Variants in SUPT3H observed in about 807,000 individuals in gnomAD.
SUPT3H encodes the protein transcription initiation protein SPT3 homolog.
A neutral mutation model predicts 44.3 loss-of-function variants in SUPT3H; 44 were observed. The ratio of observed to expected loss-of-function variants is 0.99; its 90% CI spans 0.78 to 1.28. The LOEUF is 1.28. Among genes scored for constraint, SUPT3H ranks in the 50% most tolerant of loss-of-function variants. The pLI is 0.00. For synonymous variants in SUPT3H, 124 were observed against 125.6 expected (o/e 0.99, Z 0.09); for missense variants, 380 against 387.1 (o/e 0.98, Z 0.15).
chr6:45,000,097 C>T (rs975950508), intron 6 of SUPT3H, among the ~76,000 whole-genome samples: 58 of 151,552 alleles, frequency 3.8e-4, no homozygotes, highest in Non-Finnish European at 3.2e-4. Flanking sequence ...CAGATATATA[C>T]ATACATGTAT....
intron 10 of SUPT3H, among the ~76,000 whole-genome samples, chr6:44,860,993 T>C (rs1282288242): frequency 6.6e-6 from 1 of 152,024 alleles, no homozygotes; most frequent in Non-Finnish European, 1.5e-5. Flanking sequence ...AAGAACTAGA[T>C]TGAGAATCAA....
chr6:44,965,803 G>A lies in SUPT3H; in HGVS notation c.505-3975C>T, dbSNP rs370017915. Among the ~76,000 whole-genome samples, 4 of 152,218 alleles carry A rather than the reference G, an allele frequency of 2.6e-5. No homozygotes were observed. The East Asian group carries it at 5.8e-4, about 22-fold the overall frequency. On this transcript the variant is annotated intron_variant, in intron 6 of 10. Transcript: ENST00000371459. ...ACTATCATCTTAAATACTGAGAAAG[G>A]GAGTAAATATCTAACTTTCATGAAC...
At position 44,829,584 on chromosome 6, in the gene SUPT3H, A is replaced by G; in HGVS notation, c.*232T>C. 6.1e-6 allele frequency: 3 copies of G among 488,566 alleles called. No homozygotes were observed. The highest frequency in any genetic ancestry group is 7.3e-6 in the Non-Finnish European group (2 of 273,456). 30.3% of individuals were successfully genotyped at this position (488,566 alleles called of 1,614,324 possible). A position where few individuals can be genotyped will look rare whatever the true frequency, so the allele number is the denominator to read the frequency against. ...GTGTGATCTGCATTCTTGTCCACCT[A>G]CAGACTATCCTAAACATCCTGCCAT... On this transcript the variant is annotated 3_prime_UTR_variant, in exon 11 of 11. Transcript: ENST00000371459.
intron 2 of SUPT3H, among the ~76,000 whole-genome samples, chr6:45,211,616 C>T (rs1018717387): frequency 2.6e-5 from 4 of 151,516 alleles, no homozygotes; most frequent in Non-Finnish European, 4.4e-5. Context: ...TTTGGGAGAC[C>T]GAGGCAGACA....
chr6:45,140,980 A>G (rs552576738), intron 2 of SUPT3H, among the ~76,000 whole-genome samples: 70 of 152,310 alleles, frequency 4.6e-4, no homozygotes, highest in Middle Eastern at 6.8e-3. Context: ...ACAGCATTCT[A>G]TAAGATCATA....
Position 45,281,539 on chromosome 6 carries a change from G to A in SUPT3H, c.101+83662C>T, listed in dbSNP as rs568510721. 4.6e-5 allele frequency among the ~76,000 whole-genome samples: 7 copies of A among 152,258 alleles called. No homozygotes were observed. The South Asian group carries it at 1.2e-3, about 27-fold the overall frequency. ...CAAACTGCAAGGTGGCAGCGAGGTT[G>A]GGGGAGGGGCGCCCACCATTGCCGA... On this transcript the variant is annotated intron_variant, in intron 2 of 10. Coordinates refer to ENST00000371459, the MANE Select transcript of SUPT3H (RefSeq NM_003599.4).
At chr6:44,825,297 A>G (rs1767658211), downstream of SUPT3H, among the ~76,000 whole-genome samples, 1 of 152,258 alleles carries the variant, frequency 6.6e-6, no homozygotes, top group African/African-American at 2.4e-5. Context: ...TCTATTATAT[A>G]CATAATACTT....
chr6:45,044,747 C>T (rs191946642), intron 3 of SUPT3H, among the ~76,000 whole-genome samples: 17 of 152,198 alleles, frequency 1.1e-4, no homozygotes, highest in African/African-American at 2.4e-4. Flanking sequence ...GGTGACCCTA[C>T]GCTTTCAACT....
At chr6:45,214,456 G>T (rs987734947) in intron 2 of SUPT3H, among the ~76,000 whole-genome samples, 2 of 151,892 alleles carry the variant, frequency 1.3e-5, no homozygotes, top group Admixed American at 1.3e-4. Context: ...AGAAAGGAAA[G>T]AAATACAGAA....
intron 3 of SUPT3H, among the ~76,000 whole-genome samples, chr6:45,079,349 A>G (rs987779397): frequency 6.6e-6 from 1 of 151,932 alleles, no homozygotes; most frequent in Non-Finnish European, 1.5e-5. Context: ...AAAAAGGAAG[A>G]AAAAGAAAGA....
chr6:45,321,425 TTTA>T (rs1244869387), intron 2 of SUPT3H, among the ~76,000 whole-genome samples: 44 of 152,296 alleles, frequency 2.9e-4, no homozygotes, highest in African/African-American at 9.9e-4. Context: ...TTTTGACACA[TTTA>T]TTTTACAAAT....
chr6:44,959,463 C>CA (rs1359294754), intron 7 of SUPT3H, among the ~76,000 whole-genome samples: 1 of 151,910 alleles, frequency 6.6e-6, no homozygotes, highest in Non-Finnish European at 1.5e-5. Context: ...TGATTACAAA[C>CA]AAAATCTAGA....
chr6:45,127,094 T>A (rs1046020753), intron 2 of SUPT3H, among the ~76,000 whole-genome samples: 1 of 152,132 alleles, frequency 6.6e-6, no homozygotes, highest in Non-Finnish European at 1.5e-5. Context: ...GACGGGCAGA[T>A]CATGAGGTCA....
intron 2 of SUPT3H, among the ~76,000 whole-genome samples, chr6:45,116,879 T>C (rs1800923304): frequency 6.6e-6 from 1 of 152,106 alleles, no homozygotes. Context: ...TTACAGTCAG[T>C]CCTATTTCCC....
chr6:45,249,452 A>AC (rs1343555546), intron 2 of SUPT3H, among the ~76,000 whole-genome samples: 44 of 106,548 alleles, frequency 4.1e-4, no homozygotes, highest in Admixed American at 1.1e-3. Flanking sequence ...ACAGACACAC[A>AC]AAAAAAAAAA....
intron 2 of SUPT3H, among the ~76,000 whole-genome samples, chr6:45,291,612 T>G (rs972235994): frequency 7.9e-5 from 12 of 152,036 alleles, no homozygotes; most frequent in African/African-American, 2.9e-4. Flanking sequence ...CAATCAAAAC[T>G]TCAGAAAACA....
chr6:44,925,435 T>C (rs1046371702), intron 10 of SUPT3H, among the ~76,000 whole-genome samples: 3 of 152,328 alleles, frequency 2.0e-5, no homozygotes, highest in Non-Finnish European at 1.5e-5. Flanking sequence ...AGTTACCTGA[T>C]AACATGCAAG....
At chr6:44,887,055 CAAG>C (rs1231261185) in intron 10 of SUPT3H, among the ~76,000 whole-genome samples, 1 of 152,180 alleles carries the variant, frequency 6.6e-6, no homozygotes, top group Non-Finnish European at 1.5e-5. Flanking sequence ...ATCAATACAA[CAAG>C]AAGAGCTAAC....
chr6:45,124,223 C>A (rs149330512), intron 2 of SUPT3H, among the ~76,000 whole-genome samples: 1 of 151,878 alleles, frequency 6.6e-6, no homozygotes, highest in African/African-American at 2.4e-5. Context: ...TTTACTGTAG[C>A]TATTATATTA....
Sources: allele counts gnomAD v4.1 joint callset (sites outside exome capture counted in the v4.1 genomes callset), GRCh38; gene constraint gnomAD v4.1.1; transcripts MANE v1.5; gene names NCBI Gene and HGNC (gene_info 2026-07-23, HGNC 2026-07-21).